The following STXBP5L variants were observed in gnomAD, a reference collection of about 807,000 sequenced individuals.
STXBP5L encodes syntaxin-binding protein 5-like.
A neutral mutation model predicts 144.5 loss-of-function variants in STXBP5L; 65 were observed. The observed-to-expected ratio is 0.45, with a 90% CI of 0.37 to 0.55. The LOEUF (loss-of-function observed/expected upper bound fraction) is 0.55, where lower values mean the gene tolerates loss of function less well. Among genes scored for constraint, STXBP5L ranks in the 20% least tolerant of loss-of-function variants. The pLI, the probability that STXBP5L is intolerant of heterozygous loss-of-function variation, is 0.00. For missense variants in STXBP5L, 1,298 were observed against 1,405.5 expected (o/e 0.92, Z 1.22); for synonymous variants, 505 against 469.6 (o/e 1.08, Z -0.97).
At chr3:121,055,315 G>A (rs144501568) in intron 5 of STXBP5L, among the ~76,000 whole-genome samples, 177 of 152,122 alleles carry the variant, frequency 1.2e-3, no homozygotes, top group African/African-American at 4.2e-3. Context: ...CAAAACATCT[G>A]ATATTAGCCG....
chr3:121,421,805 G>A lies in STXBP5L; in HGVS notation c.*2708G>A, dbSNP rs2047358222. The A allele has an allele frequency of 6.6e-6, 1 of 152,092 alleles. No individual in the cohort carries two copies. Among genetic ancestry groups the A allele is most frequent in the Non-Finnish European group, 1.5e-5 (1 of 68,002 alleles). 9.4% of individuals were successfully genotyped at this position (152,092 alleles called of 1,614,324 possible). On this transcript the variant is annotated 3_prime_UTR_variant, in exon 27 of 27. Coordinates refer to ENST00000471454, the MANE Select transcript of STXBP5L (RefSeq NM_001308330.2). ...CTTGGCCTCAGTGAATAGATCAAAA[G>A]TTTATAATTAGCACACCAATTGGAA... is the stretch of plus-strand genomic sequence containing the variant.
At chr3:120,936,741 C>T (rs1710285247) in intron 2 of STXBP5L, among the ~76,000 whole-genome samples, 1 of 152,090 alleles carries the variant, frequency 6.6e-6, no homozygotes, top group South Asian at 2.1e-4. Context: ...TCCCAAGTAG[C>T]TGGGACTACT....
chr3:121,200,038 G>A (rs909438278), intron 9 of STXBP5L, among the ~76,000 whole-genome samples: 1 of 152,126 alleles, frequency 6.6e-6, no homozygotes, highest in African/African-American at 2.4e-5. Context: ...CTTTTGTTTG[G>A]AATAGTTTCA....
chr3:121,118,302 T>C (rs2044315752), intron 6 of STXBP5L, among the ~76,000 whole-genome samples: 1 of 151,704 alleles, frequency 6.6e-6, no homozygotes, highest in Admixed American at 6.6e-5. Flanking sequence ...TCTGTGAAGA[T>C]TGTTACATCT....
intron 5 of STXBP5L, among the ~76,000 whole-genome samples, chr3:121,052,116 G>T (rs1287470401): frequency 6.6e-6 from 1 of 152,112 alleles, no homozygotes; most frequent in African/African-American, 2.4e-5. Flanking sequence ...AACAGTCCAG[G>T]ACCAGATGGA....
At chr3:121,352,711 A>G (rs367606318) in intron 20 of STXBP5L, among the ~76,000 whole-genome samples, 3 of 152,066 alleles carry the variant, frequency 2.0e-5, no homozygotes, top group South Asian at 4.2e-4. Flanking sequence ...AGAACTTCCA[A>G]CATTATGTTA....
intron 16 of STXBP5L, among the ~76,000 whole-genome samples, chr3:121,256,481 T>C (rs1304507720): frequency 4.6e-5 from 7 of 152,026 alleles, no homozygotes; most frequent in Admixed American, 4.6e-4. Flanking sequence ...TTAATAAAGG[T>C]TTTTAGGTCA....
At chr3:121,295,061 T>C (rs933691849) in intron 19 of STXBP5L, among the ~76,000 whole-genome samples, 1 of 152,156 alleles carries the variant, frequency 6.6e-6, no homozygotes, top group South Asian at 2.1e-4. Flanking sequence ...AATAGATTAA[T>C]ACCTGGATTG....
Position 121,124,063 on chromosome 3 carries a change from A to G in STXBP5L, c.669+2359A>G, listed in dbSNP as rs1011269521. Among the ~76,000 whole-genome samples the G allele has an allele frequency of 3.4e-5, 5 of 148,660 alleles. 1 individual carries two copies. The highest frequency in any genetic ancestry group is 7.5e-5 in the Non-Finnish European group (5 of 66,284). ...TGATATAGTAGACTTTTATTTGCAC[A>G]TGTAAATAATTCATTTATTGTATAG... is the stretch of plus-strand genomic sequence containing the variant. On this transcript the variant is annotated intron_variant, in intron 7 of 26. Coordinates refer to ENST00000471454, the MANE Select transcript of STXBP5L (RefSeq NM_001308330.2).
chr3:121,293,766 C>T (rs2051539207), intron 19 of STXBP5L, among the ~76,000 whole-genome samples: 1 of 152,156 alleles, frequency 6.6e-6, no homozygotes, highest in African/African-American at 2.4e-5. Context: ...GAGACTGAGG[C>T]GGGAGAATCA....
intron 19 of STXBP5L, among the ~76,000 whole-genome samples, chr3:121,313,202 G>A (rs1368436745): frequency 2.1e-5 from 3 of 140,166 alleles, no homozygotes; most frequent in Non-Finnish European, 4.6e-5. Flanking sequence ...CGGGGCGGCC[G>A]GCCGGAAGGG....
At chr3:121,373,799 G>A (rs2046102063) in intron 20 of STXBP5L, among the ~76,000 whole-genome samples, 1 of 152,134 alleles carries the variant, frequency 6.6e-6, no homozygotes, top group Non-Finnish European at 1.5e-5. Context: ...CCACCCAGTG[G>A]CCTGCAGACT....
chr3:121,367,649 A>G (rs1050048430), intron 20 of STXBP5L, among the ~76,000 whole-genome samples: 2 of 136,930 alleles, frequency 1.5e-5, no homozygotes, highest in African/African-American at 5.5e-5. Flanking sequence ...TGTCACCCAG[A>G]ATAGAATGTA....
intron 3 of STXBP5L, among the ~76,000 whole-genome samples, chr3:121,033,787 G>A (rs1946555519): frequency 6.6e-6 from 1 of 151,690 alleles, no homozygotes; most frequent in South Asian, 2.1e-4. Context: ...TATATACTTT[G>A]AGTTTTGTGA....
At chr3:120,908,644 C>A (rs1708659312) in intron 1 of STXBP5L, among the ~76,000 whole-genome samples, 1 of 151,180 alleles carries the variant, frequency 6.6e-6, no homozygotes, top group Non-Finnish European at 1.5e-5. Context: ...ACAGCGGGAG[C>A]GGCGGCTCTG....
intron 5 of STXBP5L, among the ~76,000 whole-genome samples, chr3:121,065,330 T>C (rs2041489995): frequency 6.6e-6 from 1 of 152,186 alleles, no homozygotes; most frequent in Non-Finnish European, 1.5e-5. Flanking sequence ...TTTTTAATGC[T>C]TTTGTAAATG....
intron 5 of STXBP5L, among the ~76,000 whole-genome samples, chr3:121,063,646 G>A (rs574354998): frequency 1.3e-3 from 205 of 152,308 alleles, no homozygotes; most frequent in African/African-American, 3.8e-3. Context: ...TTATGTATAA[G>A]CCCCAGACTG....
At chr3:121,063,031 A>G (rs2041360847) in intron 5 of STXBP5L, among the ~76,000 whole-genome samples, 1 of 152,114 alleles carries the variant, frequency 6.6e-6, no homozygotes, top group South Asian at 2.1e-4. Context: ...CTCATTCTCC[A>G]TCCAGTTTTG....
intron 20 of STXBP5L, among the ~76,000 whole-genome samples, chr3:121,318,768 A>ATTTTC (rs1253014368): frequency 1.3e-5 from 2 of 152,240 alleles, no homozygotes; most frequent in East Asian, 1.9e-4. Flanking sequence ...AAAGTGCAAC[A>ATTTTC]CTTTAAAAGA....
Sources: allele counts gnomAD v4.1 joint callset (sites outside exome capture counted in the v4.1 genomes callset), GRCh38; gene constraint gnomAD v4.1.1; transcripts MANE v1.5; gene names NCBI Gene and HGNC (gene_info 2026-07-23, HGNC 2026-07-21).